ORC5: variants seen among roughly 807,000 people sequenced by gnomAD.
ORC5 encodes origin recognition complex subunit 5.
Under a neutral mutation model 58.8 loss-of-function variants are expected in ORC5, and 39 were observed. The ratio of observed to expected loss-of-function variants is 0.66; its 90% CI spans 0.51 to 0.87. ORC5 has a LOEUF of 0.87. ORC5 is among the 40% of genes least tolerant of loss of function. ORC5 has a pLI of 0.00. For missense variants in ORC5, 493 were observed against 506.3 expected (o/e 0.97, Z 0.25); for synonymous variants, 218 against 177.6 (o/e 1.23, Z -1.81).
At chr7:104,183,092 G>T (rs575893036) in intron 8 of ORC5, among the ~76,000 whole-genome samples, 162 of 152,260 alleles carry the variant, frequency 1.1e-3, no homozygotes, top group African/African-American at 3.7e-3. Flanking sequence ...CCAAGATTGC[G>T]CCATTGCACT....
At chr7:104,203,481 A>G (rs1799996242) in intron 2 of ORC5, among the ~76,000 whole-genome samples, 2 of 152,240 alleles carry the variant, frequency 1.3e-5, no homozygotes, top group African/African-American at 4.8e-5. Flanking sequence ...CTCATCAATA[A>G]TAGCAGCTAA....
At chr7:104,172,801 C>T (rs1224318089) in intron 8 of ORC5, among the ~76,000 whole-genome samples, 1 of 152,164 alleles carries the variant, frequency 6.6e-6, no homozygotes, top group Non-Finnish European at 1.5e-5. Flanking sequence ...GTTCTTCTCA[C>T]ACACTATGTG....
At chr7:104,193,592 T>G (rs893850039) in intron 5 of ORC5, among the ~76,000 whole-genome samples, 3 of 152,068 alleles carry the variant, frequency 2.0e-5, no homozygotes, top group African/African-American at 4.8e-5. Context: ...TTCAAGTTAT[T>G]ACGACAAGGT....
At chr7:104,160,737 T>C (rs1799008432) in intron 12 of ORC5, among the ~76,000 whole-genome samples, 2 of 152,132 alleles carry the variant, frequency 1.3e-5, no homozygotes, top group Admixed American at 6.5e-5. Context: ...TTCAATTTTG[T>C]TTTCATTAAA....
chr7:104,182,027 T>C (rs76240277), intron 8 of ORC5, among the ~76,000 whole-genome samples: 6,754 of 152,218 alleles, frequency 0.044, 483 homozygotes, highest in African/African-American at 0.15. Context: ...TAGTTTGCAG[T>C]TTTATGCATT....
intron 4 of ORC5, among the ~76,000 whole-genome samples, chr7:104,197,479 CTTTTAA>C (rs1799827468): frequency 6.6e-6 from 1 of 152,088 alleles, no homozygotes; most frequent in African/African-American, 2.4e-5. Flanking sequence ...ACATCTAAAA[CTTTTAA>C]TAGAAAGCAG....
chr7:104,201,812 T>C (rs191536291), intron 2 of ORC5, among the ~76,000 whole-genome samples: 4 of 152,234 alleles, frequency 2.6e-5, no homozygotes, highest in Admixed American at 2.6e-4. Context: ...CACTAGCTCT[T>C]TGCTAGGCAT....
intron 12 of ORC5, among the ~76,000 whole-genome samples, chr7:104,152,111 C>T (rs1050868961): frequency 6.6e-6 from 1 of 152,038 alleles, no homozygotes; most frequent in African/African-American, 2.4e-5. Flanking sequence ...TACTGGAAAC[C>T]CTCTTTAAGC....
chr7:104,176,075 G>T (rs2115928323), intron 8 of ORC5, among the ~76,000 whole-genome samples: 1 of 152,308 alleles, frequency 6.6e-6, no homozygotes, highest in African/African-American at 2.4e-5. Flanking sequence ...TTAGTCATGA[G>T]AACAGGTCCC....
At position 104,146,667 on chromosome 7, in the gene ORC5, G is replaced by C. The variant is rs577831060; in HGVS notation, c.1150-9774C>G. On this transcript the variant is annotated intron_variant, in intron 12 of 13. Coordinates refer to ENST00000297431, the MANE Select transcript of ORC5 (RefSeq NM_002553.4). Reference sequence around the variant, plus strand: ...TTGGGGAAGGGGAGGAAGAGAGGAAGGTATGGTCATCAGTGAGTATCACGG... The same window carrying C: ...TTGGGGAAGGGGAGGAAGAGAGGAACGTATGGTCATCAGTGAGTATCACGG... 2.6e-4 allele frequency among the ~76,000 whole-genome samples: 40 copies of C among 152,298 alleles called. No individual in the cohort carries two copies. In the South Asian group the frequency reaches 5.6e-3, roughly 21 times the overall value.
intron 5 of ORC5, among the ~76,000 whole-genome samples, chr7:104,191,901 G>C (rs185241219): frequency 1.2e-4 from 18 of 152,174 alleles, no homozygotes; most frequent in South Asian, 8.3e-4. Flanking sequence ...CCAGTTGTGA[G>C]GGAGTAGGAA....
chr7:104,178,381 C>T (rs1463781746), intron 8 of ORC5, among the ~76,000 whole-genome samples: 1 of 152,192 alleles, frequency 6.6e-6, no homozygotes, highest in Non-Finnish European at 1.5e-5. Flanking sequence ...AGTGTCTGTT[C>T]ATATCCTTTG....
chr7:104,128,519 A>T (rs558739062), intron 13 of ORC5, among the ~76,000 whole-genome samples: 4 of 151,750 alleles, frequency 2.6e-5, no homozygotes, highest in African/African-American at 7.2e-5. Flanking sequence ...TTTTTTTTTT[A>T]AACTTCATTT....
At chr7:104,154,731 A>T (rs1562809662) in intron 12 of ORC5, among the ~76,000 whole-genome samples, 1 of 151,956 alleles carries the variant, frequency 6.6e-6, no homozygotes, top group African/African-American at 2.4e-5. Context: ...TTGAAATGTG[A>T]ATTAGATTAA....
chr7:104,156,046 T>C (rs937979811), intron 12 of ORC5, among the ~76,000 whole-genome samples: 1 of 151,734 alleles, frequency 6.6e-6, no homozygotes, highest in Non-Finnish European at 1.5e-5. Context: ...ATTTACTGCA[T>C]GTATTCCATT....
In ORC5 at chr7:104,136,681, A is replaced by G. The variant is rs1311260213; in HGVS notation, c.1262+100T>C. On this transcript the variant is annotated intron_variant, in intron 13 of 13. Coordinates refer to ENST00000297431, the MANE Select transcript of ORC5 (RefSeq NM_002553.4). The surrounding 1 kb of genome is among the most constrained non-coding windows in gnomAD (Gnocchi z 4.2). ...TTATTCATTCTTGGCACTTAAATAG[A>G]TGATTTTTTCATGTTTAAATGTCAT... The G allele has an allele frequency of 2.8e-6, 2 of 725,096 alleles. No homozygotes were observed. The highest frequency in any genetic ancestry group is 1.8e-5 in the African/African-American group (1 of 56,882). The allele number at this position is 725,096 out of a possible 1,614,324, so 44.9% of individuals were successfully genotyped here. A position where few individuals can be genotyped will look rare whatever the true frequency, so the allele number is the denominator to read the frequency against.
intron 5 of ORC5, among the ~76,000 whole-genome samples, chr7:104,194,727 G>A (rs1356009165): frequency 3.3e-5 from 5 of 151,972 alleles, no homozygotes; most frequent in South Asian, 2.1e-4. Flanking sequence ...CTGATTATTC[G>A]TACAGATGTC....
Position 104,200,846 on chromosome 7 carries a change from T to G in ORC5, c.278A>C (p.Glu93Ala), listed in dbSNP as rs1799923354. The G allele has an allele frequency of 6.2e-7, 1 of 1,613,034 alleles. No homozygotes were observed. The highest frequency in any genetic ancestry group is 1.1e-5 in the South Asian group (1 of 91,024). ...LSSSEDGCSTEITCETFNDFV... is the reference protein window; with the variant it reads ...LSSSEDGCSTAITCETFNDFV... ...GTCATTAAATGTTTCACAGGTTATTTCAGTAGAACATCCATCCTCTGAAGA... is the reference window on the plus strand; with the variant it reads ...GTCATTAAATGTTTCACAGGTTATTGCAGTAGAACATCCATCCTCTGAAGA... The change falls in exon 3 of 14, where the codon GAA becomes GCA. Residue 93 changes from glutamate to alanine, a missense_variant. Coordinates refer to ENST00000297431, the MANE Select transcript of ORC5 (RefSeq NM_002553.4).
At chr7:104,197,148 A>AT in intron 4 of ORC5, among the ~76,000 whole-genome samples, 1 of 152,060 alleles carries the variant, frequency 6.6e-6, no homozygotes, top group Admixed American at 6.6e-5. Flanking sequence ...AATGAAACCA[A>AT]TTTTTTTTCC....
Sources: allele counts gnomAD v4.1 joint callset (sites outside exome capture counted in the v4.1 genomes callset), GRCh38; gene constraint gnomAD v4.1.1; non-coding constraint Gnocchi (gnomAD v3.1); transcripts MANE v1.5; gene names NCBI Gene and HGNC (gene_info 2026-07-23, HGNC 2026-07-21).